CALN1: variants seen among roughly 807,000 people sequenced by gnomAD.
CALN1 encodes calneuron 1.
In CALN1, 17 loss-of-function variants were observed where a neutral mutation model predicts 30.6. The ratio of observed to expected loss-of-function variants is 0.56; its 90% CI spans 0.38 to 0.83. The LOEUF is 0.83. CALN1 is among the 40% of genes least tolerant of loss of function. The pLI, the probability that CALN1 is intolerant of heterozygous loss-of-function variation, is 0.00. For missense variants in CALN1, 291 were observed against 354.9 expected (o/e 0.82, Z 1.45); for synonymous variants, 156 against 131.4 (o/e 1.19, Z -1.28).
chr7:71,803,123 T>C (rs372245106), intron 6 of CALN1, among the ~76,000 whole-genome samples: 2 of 152,200 alleles, frequency 1.3e-5, no homozygotes, highest in Non-Finnish European at 2.9e-5. Flanking sequence ...CTGAAAGTCA[T>C]GCTTTTAACC....
At chr7:71,828,573 C>T (rs1464312991) in intron 5 of CALN1, among the ~76,000 whole-genome samples, 1 of 151,962 alleles carries the variant, frequency 6.6e-6, no homozygotes, top group Non-Finnish European at 1.5e-5. Flanking sequence ...AACCATCTGT[C>T]TCTCATCTTC....
intron 6 of CALN1, among the ~76,000 whole-genome samples, chr7:71,801,620 A>G (rs561203713): frequency 1.0e-3 from 157 of 152,164 alleles, no homozygotes; most frequent in African/African-American, 3.6e-3. Flanking sequence ...GGCCATGCAG[A>G]GGGGTCAATG....
intron 5 of CALN1, among the ~76,000 whole-genome samples, chr7:72,007,516 T>TA (rs1799841034): frequency 1.3e-5 from 2 of 152,274 alleles, no homozygotes; most frequent in Middle Eastern, 3.4e-3. Context: ...AACTGCACTC[T>TA]AGCCTGGGCA....
chr7:71,895,466 C>T (rs6973743), intron 5 of CALN1, among the ~76,000 whole-genome samples: 24,656 of 152,130 alleles, frequency 0.16, 2,554 homozygotes, highest in Non-Finnish European at 0.23. Flanking sequence ...GATCGTAGTT[C>T]TCATTCATTC....
intron 2 of CALN1, among the ~76,000 whole-genome samples, chr7:72,305,755 C>T (rs546869239): frequency 2.8e-4 from 42 of 152,308 alleles, no homozygotes; most frequent in African/African-American, 9.6e-4. Flanking sequence ...GCTTAAACAA[C>T]AGAAATTAAT....
intron 3 of CALN1, among the ~76,000 whole-genome samples, chr7:72,143,555 G>C (rs146386439): frequency 3.3e-5 from 5 of 151,998 alleles, no homozygotes; most frequent in African/African-American, 9.7e-5. Flanking sequence ...CACTCTGCAG[G>C]ATATTATCCA....
chr7:72,008,812 C>T lies in CALN1; in HGVS notation c.501+14845G>A, dbSNP rs144177400. Among the ~76,000 whole-genome samples, 621 of 151,988 alleles carry T rather than the reference C, an allele frequency of 4.1e-3. 5 individuals are homozygous for T. The highest frequency in any genetic ancestry group is 0.012 in the African/African-American group (515 of 41,478). ...CTGGGATTACAGGTGCCCGCCACCA[C>T]GCCCATCTAATTTTTGTATTTTTAG... On this transcript the variant is annotated intron_variant, in intron 5 of 6. Coordinates refer to ENST00000395275, the MANE Select transcript of CALN1 (RefSeq NM_031468.4).
chr7:71,870,714 G>A (rs142310000), intron 5 of CALN1, among the ~76,000 whole-genome samples: 8 of 152,260 alleles, frequency 5.3e-5, no homozygotes, highest in Admixed American at 3.3e-4. Context: ...CAATAGAAAC[G>A]TACTGAGGAG....
chr7:72,079,437 A>G (rs1391123659), intron 4 of CALN1, among the ~76,000 whole-genome samples: 1 of 152,060 alleles, frequency 6.6e-6, no homozygotes, highest in Non-Finnish European at 1.5e-5. Flanking sequence ...GCTTTTTATT[A>G]TTTTTGTTAC....
intron 3 of CALN1, among the ~76,000 whole-genome samples, chr7:72,192,509 A>T (rs1790680957): frequency 6.6e-6 from 1 of 152,140 alleles, no homozygotes; most frequent in Admixed American, 6.6e-5. Context: ...GAAAGTTATC[A>T]CGATGGATTG....
intron 4 of CALN1, among the ~76,000 whole-genome samples, chr7:72,076,441 A>T (rs1804732929): frequency 6.6e-6 from 1 of 151,490 alleles, no homozygotes; most frequent in East Asian, 1.9e-4. Flanking sequence ...TCTACTAAAA[A>T]TACAAAATTA....
Position 71,868,062 on chromosome 7 carries a change from T to C in CALN1, c.502-57570A>G, listed in dbSNP as rs1791693248. ...TTGTTTTCAAATCTATTACCATTTA[T>C]TTTTTGCTTTATTTCTGCTTTGAAA... is the stretch of plus-strand genomic sequence containing the variant. On this transcript the variant is annotated intron_variant, in intron 5 of 6. Coordinates refer to ENST00000395275, the MANE Select transcript of CALN1 (RefSeq NM_031468.4). Among the ~76,000 whole-genome samples the C allele has an allele frequency of 2.0e-5, 3 of 152,236 alleles. No individual in the cohort carries two copies. In the South Asian group the frequency reaches 6.2e-4, roughly 32 times the overall value.
intron 2 of CALN1, among the ~76,000 whole-genome samples, chr7:72,361,058 G>C (rs1803539420): frequency 6.6e-6 from 1 of 152,010 alleles, no homozygotes; most frequent in South Asian, 2.1e-4. Context: ...ATTCTGCCTT[G>C]TTGGCATTTG....
At position 72,146,953 on chromosome 7, in the gene CALN1, A is replaced by C. The variant is rs533985893; in HGVS notation, c.245-40659T>G. On this transcript the variant is annotated intron_variant, in intron 3 of 6. Transcript: ENST00000395275. ...AAACTGGATCCCTTCCTTACACCTT[A>C]TACAAAAATTAATTGAAGATGGATT... is the stretch of plus-strand genomic sequence containing the variant. 1.3e-4 allele frequency among the ~76,000 whole-genome samples: 20 copies of C among 152,362 alleles called. No homozygotes were observed. In the East Asian group the frequency reaches 3.9e-3, roughly 29 times the overall value.
intron 3 of CALN1, among the ~76,000 whole-genome samples, chr7:72,166,710 G>C (rs931017414): frequency 6.6e-6 from 1 of 152,236 alleles, no homozygotes; most frequent in Non-Finnish European, 1.5e-5. Context: ...GCTATGAATA[G>C]ATCAGAGTTT....
At chr7:72,093,654 G>T (rs1478572998) in intron 4 of CALN1, among the ~76,000 whole-genome samples, 1 of 152,138 alleles carries the variant, frequency 6.6e-6, no homozygotes, top group Non-Finnish European at 1.5e-5. Context: ...CAGCTGGGAT[G>T]GCTGCTTCTG....
intron 5 of CALN1, among the ~76,000 whole-genome samples, chr7:71,944,057 C>T (rs939024144): frequency 6.6e-6 from 1 of 152,156 alleles, no homozygotes; most frequent in Admixed American, 6.5e-5. Flanking sequence ...CAGACCAAAG[C>T]CCCAGGTTAT....
At chr7:72,057,072 C>G (rs1346817050) in intron 4 of CALN1, among the ~76,000 whole-genome samples, 1 of 151,230 alleles carries the variant, frequency 6.6e-6, no homozygotes, top group African/African-American at 2.4e-5. Context: ...TCCCCAGTAG[C>G]TAGGATTACA....
chr7:72,162,658 G>C (rs1585067766), intron 3 of CALN1, among the ~76,000 whole-genome samples: 1 of 152,118 alleles, frequency 6.6e-6, no homozygotes, highest in Non-Finnish European at 1.5e-5. Context: ...AGAATCACTT[G>C]AGCCTGGGAG....
Sources: allele counts gnomAD v4.1 joint callset (sites outside exome capture counted in the v4.1 genomes callset), GRCh38; gene constraint gnomAD v4.1.1; transcripts MANE v1.5; gene names NCBI Gene and HGNC (gene_info 2026-07-23, HGNC 2026-07-21).